The following WWOX variants were observed in gnomAD, a reference collection of about 807,000 sequenced individuals.
WWOX encodes WW domain containing oxidoreductase.
In WWOX, 69 loss-of-function variants were observed where a neutral mutation model predicts 46.2. The observed-to-expected ratio is 1.49, with a 90% CI of 1.23 to 1.82. The LOEUF is 1.82. Ranked by LOEUF, WWOX falls within the 40% of genes most tolerant of loss-of-function variation. WWOX has a pLI of 0.00. For missense variants in WWOX, 919 were observed against 542.6 expected (o/e 1.69, Z -6.89); for synonymous variants, 359 against 202.6 (o/e 1.77, Z -6.56).
chr16:78,326,701 G>A (rs751508819), intron 5 of WWOX, among the ~76,000 whole-genome samples: 2 of 151,618 alleles, frequency 1.3e-5, no homozygotes, highest in African/African-American at 4.8e-5. Flanking sequence ...ATCATTAAAA[G>A]CAACAGATTG....
intron 8 of WWOX, among the ~76,000 whole-genome samples, chr16:78,659,988 C>G (rs554925821): frequency 6.6e-6 from 1 of 152,150 alleles, no homozygotes; most frequent in East Asian, 1.9e-4. Context: ...TAGGGCTCAT[C>G]AGTACATTGT....
intron 5 of WWOX, among the ~76,000 whole-genome samples, chr16:78,256,003 A>G (rs1007134422): frequency 6.6e-6 from 1 of 151,804 alleles, no homozygotes; most frequent in Non-Finnish European, 1.5e-5. Context: ...TACATAAATT[A>G]GTCGGGCATG....
chr16:78,772,371 C>T lies in WWOX; in HGVS notation c.1056+339619C>T, dbSNP rs111727249. Among the ~76,000 whole-genome samples, 606 of 152,238 alleles carry T rather than the reference C, an allele frequency of 4.0e-3. 2 individuals carry two copies. Among genetic ancestry groups the T allele is most frequent in the African/African-American group, 0.014 (578 of 41,534 alleles). On this transcript the variant is annotated intron_variant, in intron 8 of 8. Transcript: ENST00000566780. The stretch of plus-strand genomic sequence containing the variant: ...TCCGTGTTCTCGCAGAAGACATGAT[C>T]GCATTCTTTTATATGGCTGCATAGT...
At chr16:78,730,173 A>G (rs948371033) in intron 8 of WWOX, among the ~76,000 whole-genome samples, 1 of 152,074 alleles carries the variant, frequency 6.6e-6, no homozygotes, top group African/African-American at 2.4e-5. Context: ...ATTTTGTTCT[A>G]TTTTATTTTA....
intron 8 of WWOX, among the ~76,000 whole-genome samples, chr16:78,558,924 C>G (rs1296924038): frequency 6.6e-6 from 1 of 152,218 alleles, no homozygotes; most frequent in African/African-American, 2.4e-5. Flanking sequence ...CCCCTACAAC[C>G]ATGGTCATTT....
At position 78,315,757 on chromosome 16, in the gene WWOX, C is replaced by T. The variant is rs532279111; in HGVS notation, c.517-71103C>T. 5.1e-4 allele frequency among the ~76,000 whole-genome samples: 77 copies of T among 152,290 alleles called. 1 individual carries two copies. The South Asian group carries it at 0.016, about 31-fold the overall frequency. ...GCTTACACTGTCTGGTTCATCCTTA[C>T]AATGACTCCATGTTATCGCCATTTT... is the stretch of plus-strand genomic sequence containing the variant. On this transcript the variant is annotated intron_variant, in intron 5 of 8. Transcript: ENST00000566780.
chr16:78,982,002 C>G (rs921083887), intron 8 of WWOX, among the ~76,000 whole-genome samples: 1 of 152,168 alleles, frequency 6.6e-6, no homozygotes, highest in Non-Finnish European at 1.5e-5. Context: ...CTGGCAGAAT[C>G]TCAGTTTCAA....
chr16:78,579,478 A>G (rs2978624), intron 8 of WWOX, among the ~76,000 whole-genome samples: 2,240 of 152,174 alleles, frequency 0.015, 37 homozygotes, highest in African/African-American at 0.039. Flanking sequence ...TCTTAAGTGA[A>G]TATAAACCAG....
chr16:78,959,967 G>A (rs1167533401), intron 8 of WWOX, among the ~76,000 whole-genome samples: 3 of 152,196 alleles, frequency 2.0e-5, no homozygotes, highest in East Asian at 1.9e-4. Flanking sequence ...TAAAGGGTGT[G>A]TATAAGGTGA....
At chr16:79,117,759 C>G (rs201359825) in intron 8 of WWOX, among the ~76,000 whole-genome samples, 1 of 152,222 alleles carries the variant, frequency 6.6e-6, no homozygotes, top group African/African-American at 2.4e-5. Context: ...GTTATGGAGA[C>G]GGCTTTCTTC....
chr16:78,473,512 G>T (rs59164999), intron 8 of WWOX, among the ~76,000 whole-genome samples: 1 of 152,176 alleles, frequency 6.6e-6, no homozygotes, highest in Admixed American at 6.5e-5. Flanking sequence ...AATATTGACC[G>T]ACTGGCCCTC....
chr16:78,667,903 C>A (rs1042676270), intron 8 of WWOX, among the ~76,000 whole-genome samples: 3 of 152,100 alleles, frequency 2.0e-5, no homozygotes, highest in African/African-American at 7.2e-5. Context: ...TTATCTGTTT[C>A]TAGGATGTGC....
At chr16:78,579,988 C>G (rs946109867) in intron 8 of WWOX, among the ~76,000 whole-genome samples, 9 of 152,092 alleles carry the variant, frequency 5.9e-5, no homozygotes, top group Non-Finnish European at 1.0e-4. Flanking sequence ...GCGTTTAAGG[C>G]GCTTGCTCTT....
intron 8 of WWOX, among the ~76,000 whole-genome samples, chr16:78,733,961 G>A (rs1229321175): frequency 1.3e-5 from 2 of 151,866 alleles, no homozygotes; most frequent in African/African-American, 4.8e-5. Context: ...TTGGGAGGCT[G>A]AGGCGGGAGG....
At chr16:79,094,039 C>G (rs749624722) in intron 8 of WWOX, among the ~76,000 whole-genome samples, 3 of 152,164 alleles carry the variant, frequency 2.0e-5, no homozygotes, top group South Asian at 2.1e-4. Flanking sequence ...TGGGGTCACT[C>G]AGAAGTAGTG....
intron 8 of WWOX, among the ~76,000 whole-genome samples, chr16:78,654,212 T>TAG (rs144650575): frequency 0.057 from 8,670 of 152,344 alleles, 343 homozygotes; most frequent in Middle Eastern, 0.12. Context: ...GCGATTTGAA[T>TAG]AGAGCTCACA....
intron 8 of WWOX, among the ~76,000 whole-genome samples, chr16:78,875,828 G>T (rs2044223292): frequency 6.6e-6 from 1 of 152,146 alleles, no homozygotes; most frequent in African/African-American, 2.4e-5. Context: ...CAGGTTTCTA[G>T]GGCATCTCAT....
chr16:78,941,121 C>T (rs894222093), intron 8 of WWOX, among the ~76,000 whole-genome samples: 3 of 152,096 alleles, frequency 2.0e-5, no homozygotes, highest in East Asian at 1.9e-4. Flanking sequence ...TTCTAGAAAG[C>T]GTTCTTGCAG....
chr16:78,107,820 A>C (rs770433682), intron 1 of WWOX, among the ~76,000 whole-genome samples: 34 of 151,848 alleles, frequency 2.2e-4, no homozygotes, highest in Non-Finnish European at 4.6e-4. Flanking sequence ...AAGAAACACA[A>C]ATAAATAAAC....
Sources: allele counts gnomAD v4.1 joint callset (sites outside exome capture counted in the v4.1 genomes callset), GRCh38; gene constraint gnomAD v4.1.1; transcripts MANE v1.5; gene names NCBI Gene and HGNC (gene_info 2026-07-23, HGNC 2026-07-21).